Variants in ZNF850 observed in about 807,000 individuals in gnomAD.
ZNF850 encodes zinc finger protein 850.
In ZNF850, 2 loss-of-function variants were observed where a neutral mutation model predicts 11.9. The observed-to-expected ratio is 0.17, with a 90% CI of 0.07 to 0.53. The LOEUF (loss-of-function observed/expected upper bound fraction) is 0.53, where lower values mean the gene tolerates loss of function less well. ZNF850 is among the 20% of genes least tolerant of loss of function. The probability of loss-of-function intolerance (pLI) is 0.94; values close to 1 mark genes in which losing one functional copy is unlikely to be tolerated. For synonymous variants in ZNF850, 381 were observed against 443.0 expected, an observed-to-expected ratio of 0.86 and a Z score of 1.76; for missense variants, 1,014 against 1,316.4, an observed-to-expected ratio of 0.77 and a Z score of 3.55.
chr19:36,748,202 A>T lies in ZNF850; in HGVS notation c.2838T>A (p.Ile946=), dbSNP rs1274585919. 1.3e-6 allele frequency: 2 copies of T among 1,553,944 alleles called. No individual in the cohort carries two copies. Among genetic ancestry groups the T allele is most frequent in the Non-Finnish European group, 1.7e-6 (2 of 1,152,480 alleles). The change falls in exon 5 of 5, where the codon ATT becomes ATA. Residue 946 remains isoleucine (I), a synonymous_variant. Transcript: ENST00000591344. The part of the protein sequence containing the change: ...RFSGLTKHHS[I]HTGEKPYECK... ...ATTCATAGGGTTTCTCGCCAGTGTG[A>T]ATACTGTGATGTTTGGTGAGTCCTG...
intron 1 of ZNF850, among the ~76,000 whole-genome samples, chr19:36,768,676 T>C (rs765913605): frequency 2.6e-5 from 4 of 152,098 alleles, no homozygotes; most frequent in Non-Finnish European, 5.9e-5. Context: ...AAAAATGCAG[T>C]GATAGGCCAG....
chr19:36,748,681 A>G lies in ZNF850; in HGVS notation c.2359T>C (p.Cys787Arg). The G allele has an allele frequency of 6.5e-7, 1 of 1,537,930 alleles. No homozygotes were observed. The highest frequency in any genetic ancestry group is 8.7e-7 in the Non-Finnish European group (1 of 1,147,110). Residue 787 changes from cysteine to arginine, a missense_variant, in exon 5 of 5, where the codon TGT becomes CGT. Transcript: ENST00000591344. ...GTAAAAGATTTCCCACATTCCTTAC[A>G]ATCATAGAGCTTCTCACCAGTGTGT... is the stretch of plus-strand genomic sequence containing the variant. Reference protein sequence around the residue: ...QIHTGEKLYDCKECGKSFTSH... With the variant: ...QIHTGEKLYDRKECGKSFTSH...
chr19:36,756,186 G>A (rs2040485531), intron 4 of ZNF850, among the ~76,000 whole-genome samples: 1 of 152,144 alleles, frequency 6.6e-6, no homozygotes, highest in Non-Finnish European at 1.5e-5. Context: ...TTACAGGCAT[G>A]AGCCACCGCA....
At position 36,749,044 on chromosome 19, in the gene ZNF850, T is replaced by C; in HGVS notation, c.1996A>G (p.Ile666Val). The stretch of plus-strand genomic sequence containing the variant: ...TCATAGGGTTTCTCACCAGTGTGAA[T>C]TCTGTGATGTTGGGTGAGTCCTGAG... ...SVSGLTQHHR[I>V]HTGEKPYECP... The change falls in exon 5 of 5, where the codon ATT becomes GTT. Residue 666 changes from isoleucine to valine, a missense_variant. Ile to Val is a conservative substitution (Grantham distance 29). Coordinates refer to ENST00000591344, the MANE Select transcript of ZNF850 (RefSeq NM_001193552.2). 1.9e-6 allele frequency: 3 copies of C among 1,608,130 alleles called. No individual in the cohort carries two copies. Among genetic ancestry groups the C allele is most frequent in the Non-Finnish European group, 2.5e-6 (3 of 1,178,236 alleles).
intron 4 of ZNF850, among the ~76,000 whole-genome samples, chr19:36,751,622 C>T (rs562583568): frequency 2.3e-5 from 3 of 133,234 alleles, no homozygotes; most frequent in Non-Finnish European, 3.1e-5. Context: ...CACTTGAGCC[C>T]GGGAGGCTGA....
rs2040477147 is a variant in ZNF850, at chr19:36,755,004, C to T, written c.236-4200G>A. 2.0e-5 allele frequency among the ~76,000 whole-genome samples: 3 copies of T among 152,150 alleles called. No homozygotes were observed. The South Asian group carries it at 6.2e-4, about 32-fold the overall frequency. ...TCTACACGCAGCAATTAAAAGAAAG[C>T]ACAGGAACACGTGAATCCCCACCCC... On this transcript the variant is annotated intron_variant, in intron 4 of 4. Coordinates refer to ENST00000591344, the MANE Select transcript of ZNF850 (RefSeq NM_001193552.2).
At chr19:36,757,094 G>A (rs1332564741) in intron 4 of ZNF850, among the ~76,000 whole-genome samples, 1 of 152,192 alleles carries the variant, frequency 6.6e-6, no homozygotes, top group Admixed American at 6.6e-5. Context: ...CTTCCTGGCA[G>A]TGTCAGAGAT....
In ZNF850 at chr19:36,749,931, C is replaced by A. The variant is rs1158216635; in HGVS notation, c.1109G>T (p.Cys370Phe). ...TGAGTGAAAAGTAAAAGATTTTCCA[C>A]ATTCCTTACAGTCATAGGGTTTCTC... ...TGEKPYDCKE[C>F]GKSFTFHSAL... is the part of the protein sequence containing the mutation. Residue 370 changes from cysteine to phenylalanine, a missense_variant, in exon 5 of 5, where the codon TGT becomes TTT. Physicochemically the swap from Cys to Phe is radical, Grantham distance 205 (BLOSUM62 -2). Around this residue, in one of 2 missense-constraint regions of ZNF850, gnomAD observed 835 missense variants for 1,022.0 expected, o/e 0.82. Coordinates refer to ENST00000591344, the MANE Select transcript of ZNF850 (RefSeq NM_001193552.2). The A allele has an allele frequency of 3.8e-6, 6 of 1,570,678 alleles. No homozygotes were observed. The highest frequency in any genetic ancestry group is 4.3e-6 in the Non-Finnish European group (5 of 1,160,414).
At position 36,769,276 on chromosome 19, in the gene ZNF850, A is replaced by AAAAG. The variant is rs754621260; in HGVS notation, c.-70+3445_-70+3448dup. Among the ~76,000 whole-genome samples the AAAAG allele has an allele frequency of 1.7e-3, 195 of 113,224 alleles. 5 individuals are homozygous for AAAAG. The highest frequency in any genetic ancestry group is 8.2e-3 in the East Asian group (37 of 4,494). 74.3% of individuals were successfully genotyped at this position (113,224 alleles called of 152,430 possible). ...AAGACTGTCTCAAAAAAAAAAAAAA[A>AAAAG]AAAGAAAGAAAGAAAGAAAGAAAGA... On this transcript the variant is annotated intron_variant, in intron 1 of 4. Coordinates refer to ENST00000591344, the MANE Select transcript of ZNF850 (RefSeq NM_001193552.2).
At chr19:36,761,114 G>C (rs757491642) in intron 4 of ZNF850, among the ~76,000 whole-genome samples, 1 of 152,080 alleles carries the variant, frequency 6.6e-6, no homozygotes. Context: ...ATTATGACAA[G>C]AGGGTAGCAC....
rs749174800 is a variant in ZNF850, at chr19:36,748,280, A to G, written c.2760T>C (p.Thr920=). Residue 920 remains threonine, a synonymous_variant, in exon 5 of 5, where the codon ACT becomes ACC. Transcript: ENST00000591344. The part of the protein sequence containing the change: ...SKLTQHQRIH[T]GEKPYRCHEC... Reference sequence around the variant, plus strand: ...CATGACATCGATAAGGTTTCTCACCAGTATGGATTCGTTGATGTTGAGTAA... The same window carrying G: ...CATGACATCGATAAGGTTTCTCACCGGTATGGATTCGTTGATGTTGAGTAA... 9.6e-6 allele frequency: 15 copies of G among 1,563,492 alleles called. No individual in the cohort carries two copies. Among genetic ancestry groups the G allele is most frequent in the South Asian group, 4.7e-5 (4 of 85,770 alleles).
Position 36,747,838 on chromosome 19 carries a change from T to G in ZNF850, c.3202A>C (p.Lys1068Gln), listed in dbSNP as rs772911343. The G allele has an allele frequency of 6.3e-7, 1 of 1,579,632 alleles. No homozygotes were observed. Among genetic ancestry groups the G allele is most frequent in the Non-Finnish European group, 8.6e-7 (1 of 1,166,448 alleles). Residue 1068 changes from lysine to glutamine, a missense_variant, in exon 5 of 5, where the codon AAG becomes CAG. Physicochemically the swap from Lys to Gln is moderately conservative, Grantham distance 53. This residue lies in a region of ZNF850 where 179 missense variants were observed against 294.4 expected (regional missense o/e 0.61). Transcript: ENST00000591344. ...TGTTTAAAGGCCTTCCCACATGTCT[T>G]ACATTCATAGGGTTTCTCGCCAGTG... is the stretch of plus-strand genomic sequence containing the variant. ...VHTGEKPYECKTCGKAFKQLT... is the reference protein window; with the variant it reads ...VHTGEKPYECQTCGKAFKQLT...
Position 36,748,617 on chromosome 19 carries a change from G to A in ZNF850, c.2423C>T (p.Thr808Ile), listed in dbSNP as rs572849860. 5.2e-6 allele frequency: 8 copies of A among 1,537,152 alleles called. No homozygotes were observed. Among genetic ancestry groups the A allele is most frequent in the Admixed American group, 2.0e-5 (1 of 50,976 alleles). The change falls in exon 5 of 5, where the codon ACT (threonine) becomes ATT (isoleucine). Residue 808 changes from threonine (T) to isoleucine (I), a missense_variant. Physicochemically the swap from Thr to Ile is moderately conservative, Grantham distance 89. Coordinates refer to ENST00000591344, the MANE Select transcript of ZNF850 (RefSeq NM_001193552.2). ...CTTGCAATGATAAGGTTTCTCACCA[G>A]TGTGAAGTGGCTGATGTTGAATTAG... The part of the protein sequence containing the change: ...STLIQHQPLH[T>I]GEKPYHCKEC...
At chr19:36,766,874 G>A (rs1358494357) in intron 1 of ZNF850, among the ~76,000 whole-genome samples, 20 of 152,104 alleles carry the variant, frequency 1.3e-4, no homozygotes, top group African/African-American at 4.8e-5. Context: ...AGGCCAAGAC[G>A]GGTAGATCAT....
At chr19:36,761,804 G>C in intron 3 of ZNF850, 66 bp from the exon 4 acceptor site, 3 of 946,130 alleles carry the variant, frequency 3.2e-6, no homozygotes, top group Non-Finnish European at 4.8e-6. Flanking sequence ...CCAGCACTTT[G>C]GGAGACCAAA....
At chr19:36,753,607 T>C (rs918067043) in intron 4 of ZNF850, among the ~76,000 whole-genome samples, 1 of 149,906 alleles carries the variant, frequency 6.7e-6, no homozygotes, top group African/African-American at 2.5e-5. Flanking sequence ...AAAAAAATTA[T>C]GCATGATGAA....
intron 1 of ZNF850, among the ~76,000 whole-genome samples, chr19:36,764,110 T>C (rs762315771): frequency 4.6e-5 from 7 of 152,060 alleles, no homozygotes; most frequent in Non-Finnish European, 8.8e-5. Flanking sequence ...CTGGGCATGG[T>C]GGCACACGCC....
At chr19:36,757,958 G>A (rs1737334481) in intron 4 of ZNF850, among the ~76,000 whole-genome samples, 1 of 152,094 alleles carries the variant, frequency 6.6e-6, no homozygotes, top group South Asian at 2.1e-4. Flanking sequence ...AAGCCCCGGA[G>A]TTACAGGTGT....
intron 1 of ZNF850, among the ~76,000 whole-genome samples, chr19:36,765,010 C>T (rs1482316152): frequency 6.6e-6 from 1 of 152,052 alleles, no homozygotes; most frequent in Non-Finnish European, 1.5e-5. Context: ...AACTTGCCCC[C>T]TGTATTAGGG....
Sources: allele counts gnomAD v4.1 joint callset (sites outside exome capture counted in the v4.1 genomes callset), GRCh38; gene constraint gnomAD v4.1.1; regional missense constraint gnomAD v4.1.1; transcripts MANE v1.5; gene names NCBI Gene and HGNC (gene_info 2026-07-23, HGNC 2026-07-21).